PLCH1: variants seen among roughly 807,000 people sequenced by gnomAD.
PLCH1 encodes phospholipase C eta 1.
Under a neutral mutation model 126.7 loss-of-function variants are expected in PLCH1, and 60 were observed. The ratio of observed to expected loss-of-function variants is 0.47; its 90% CI spans 0.38 to 0.59. PLCH1 has a LOEUF of 0.59. Ranked by LOEUF, PLCH1 falls within the 20% of genes least tolerant of loss-of-function variation. The probability of loss-of-function intolerance (pLI) is 0.00; values close to 1 mark genes in which losing one functional copy is unlikely to be tolerated. For synonymous variants in PLCH1, 719 were observed against 734.9 expected (o/e 0.98, Z 0.35); for missense variants, 1,723 against 2,040.0 (o/e 0.84, Z 2.99).
At chr3:155,687,157 A>G (rs1050784471) in intron 2 of PLCH1, among the ~76,000 whole-genome samples, 2 of 152,228 alleles carry the variant, frequency 1.3e-5, no homozygotes, top group Non-Finnish European at 2.9e-5. Context: ...TGGAAGATAG[A>G]AATACTTTAA....
At chr3:155,666,361 C>G (rs970442853) in intron 2 of PLCH1, among the ~76,000 whole-genome samples, 2 of 152,072 alleles carry the variant, frequency 1.3e-5, no homozygotes. Context: ...CTATCTCATT[C>G]TTTTAATTTT....
chr3:155,735,658 G>C (rs1378355967), intron 1 of PLCH1, among the ~76,000 whole-genome samples: 4 of 150,868 alleles, frequency 2.7e-5, no homozygotes. Context: ...AACTGATAAG[G>C]GTAGATTTTC....
At chr3:155,676,603 A>G (rs1744110976) in intron 2 of PLCH1, among the ~76,000 whole-genome samples, 1 of 152,176 alleles carries the variant, frequency 6.6e-6, no homozygotes, top group Non-Finnish European at 1.5e-5. Flanking sequence ...ACATCACTCC[A>G]TCGGAGGCAA....
chr3:155,652,248 C>A (rs975758283), intron 2 of PLCH1, among the ~76,000 whole-genome samples: 3 of 152,224 alleles, frequency 2.0e-5, no homozygotes, highest in African/African-American at 7.2e-5. Context: ...TTTTTTTGAG[C>A]ACCATGTTAA....
intron 1 of PLCH1, among the ~76,000 whole-genome samples, chr3:155,736,513 C>T (rs1345812196): frequency 2.6e-5 from 4 of 152,222 alleles, no homozygotes; most frequent in Non-Finnish European, 5.9e-5. Context: ...CCAGCCTTCA[C>T]TCCATAAACA....
At chr3:155,491,732 C>A (rs1207793480) in intron 18 of PLCH1, among the ~76,000 whole-genome samples, 1 of 152,062 alleles carries the variant, frequency 6.6e-6, no homozygotes, top group Non-Finnish European at 1.5e-5. Context: ...TTGGTGTTTG[C>A]TATGAGAGGC....
chr3:155,607,467 G>A (rs892222060), intron 2 of PLCH1, among the ~76,000 whole-genome samples: 3 of 147,700 alleles, frequency 2.0e-5, no homozygotes, highest in Non-Finnish European at 4.5e-5. Context: ...TTTTTCTTTT[G>A]AGACAGCTTG....
intron 10 of PLCH1, among the ~76,000 whole-genome samples, chr3:155,536,983 A>G (rs1032810327): frequency 7.9e-5 from 12 of 152,138 alleles, no homozygotes; most frequent in African/African-American, 2.9e-4. Flanking sequence ...TTTCTCAGCC[A>G]AAATCCTACA....
intron 17 of PLCH1, among the ~76,000 whole-genome samples, chr3:155,493,206 G>A (rs1486337556): frequency 6.6e-6 from 1 of 152,166 alleles, no homozygotes; most frequent in Non-Finnish European, 1.5e-5. Context: ...ACAGAAAGAA[G>A]ACTTGAAATT....
intron 6 of PLCH1, among the ~76,000 whole-genome samples, chr3:155,572,639 T>A (rs573215292): frequency 2.6e-4 from 40 of 152,186 alleles, no homozygotes; most frequent in African/African-American, 9.1e-4. Context: ...TTTTCTCTTA[T>A]TTTTTTCTAT....
intron 22 of PLCH1, 23 bp downstream of exon 22, chr3:155,485,333 C>CA (rs1714878772): frequency 1.3e-6 from 2 of 1,503,180 alleles, no homozygotes. Context: ...GGTTTATTCT[C>CA]AGAGAAACTT....
At chr3:155,530,753 G>T (rs905649066) in intron 10 of PLCH1, among the ~76,000 whole-genome samples, 2 of 152,190 alleles carry the variant, frequency 1.3e-5, no homozygotes, top group African/African-American at 4.8e-5. Flanking sequence ...ATGGCATTTA[G>T]AATGGTGAAT....
intron 10 of PLCH1, among the ~76,000 whole-genome samples, chr3:155,539,401 C>T (rs1723908889): frequency 6.6e-6 from 1 of 152,068 alleles, no homozygotes. Flanking sequence ...GAAATCCTAG[C>T]CAAGGCAATC....
At chr3:155,466,095 G>C (rs558046545) in intron 21 of PLCH1, among the ~76,000 whole-genome samples, 1 of 152,208 alleles carries the variant, frequency 6.6e-6, no homozygotes, top group Non-Finnish European at 1.5e-5. Context: ...GGCATGGTTG[G>C]CTTTGCCACT....
intron 2 of PLCH1, among the ~76,000 whole-genome samples, chr3:155,695,576 G>A (rs1317374627): frequency 2.0e-5 from 3 of 152,254 alleles, no homozygotes; most frequent in Non-Finnish European, 4.4e-5. Flanking sequence ...TATATGCAAC[G>A]CATTGCACTG....
intron 13 of PLCH1, among the ~76,000 whole-genome samples, chr3:155,503,681 G>A (rs1343457790): frequency 6.6e-6 from 1 of 152,008 alleles, no homozygotes; most frequent in East Asian, 1.9e-4. Flanking sequence ...GGGATTACAG[G>A]CACACACCAC....
chr3:155,492,512 A>G (rs1716376909), intron 18 of PLCH1, among the ~76,000 whole-genome samples: 1 of 152,200 alleles, frequency 6.6e-6, no homozygotes, highest in Non-Finnish European at 1.5e-5. Context: ...TAAATTGTGA[A>G]TTCAATTGTG....
intron 2 of PLCH1, among the ~76,000 whole-genome samples, chr3:155,629,801 C>G (rs1326681532): frequency 6.6e-6 from 1 of 152,220 alleles, no homozygotes; most frequent in Non-Finnish European, 1.5e-5. Context: ...TCCCTCCTGC[C>G]CTTCTTTCCA....
chr3:155,479,839 T>G (rs911743774), downstream of PLCH1: 5 of 152,074 alleles, frequency 3.3e-5, no homozygotes, highest in African/African-American at 4.8e-5. Flanking sequence ...TTTAACTCAA[T>G]AGTCATCATA....
Sources: gnomAD v4.1 joint callset for allele counts (sites outside exome capture counted in the v4.1 genomes callset) on GRCh38, gnomAD v4.1.1 for gene constraint, MANE v1.5 for transcripts, NCBI Gene and HGNC (gene_info 2026-07-23, HGNC 2026-07-21) for gene names.